Variants in SOX5 observed in about 807,000 individuals in gnomAD.
SOX5 encodes the protein SRY-box transcription factor 5.
Under a neutral mutation model 92.0 loss-of-function variants are expected in SOX5, and 9 were observed. The observed-to-expected ratio is 0.10, with a 90% confidence interval of 0.06 to 0.17. The LOEUF (loss-of-function observed/expected upper bound fraction) is 0.17, where lower values mean the gene tolerates loss of function less well. Among genes scored for constraint, SOX5 ranks in the 10% least tolerant of loss-of-function variants. The pLI is 1.00. For missense variants in SOX5, 642 were observed against 944.5 expected (o/e 0.68, Z 4.20); for synonymous variants, 344 against 336.3 (o/e 1.02, Z -0.25).
chr12:24,531,286 A>G (rs1951176367), intron 1 of SOX5, among the ~76,000 whole-genome samples: 1 of 152,208 alleles, frequency 6.6e-6, no homozygotes, highest in Non-Finnish European at 1.5e-5. Context: ...AAAACTTAAT[A>G]TGAGACACAA....
chr12:24,324,837 G>C (rs1950527203), intron 2 of SOX5, among the ~76,000 whole-genome samples: 1 of 151,936 alleles, frequency 6.6e-6, no homozygotes, highest in Admixed American at 6.6e-5. Flanking sequence ...TACCTCCTGG[G>C]AGGTAGTCAA....
chr12:23,693,531 T>C (rs1284646691), intron 6 of SOX5, among the ~76,000 whole-genome samples: 1 of 152,230 alleles, frequency 6.6e-6, no homozygotes, highest in Non-Finnish European at 1.5e-5. Flanking sequence ...TTTGTGTTAT[T>C]CATTTTCCCA....
intron 4 of SOX5, among the ~76,000 whole-genome samples, chr12:24,018,023 T>C (rs1443632300): frequency 6.6e-6 from 1 of 152,198 alleles, no homozygotes; most frequent in Non-Finnish European, 1.5e-5. Flanking sequence ...AACCTTCTTA[T>C]ATCTTCTACC....
At chr12:24,100,176 C>T (rs745525317) in intron 4 of SOX5, among the ~76,000 whole-genome samples, 1 of 152,030 alleles carries the variant, frequency 6.6e-6, no homozygotes, top group Non-Finnish European at 1.5e-5. Context: ...TCTGTTATTT[C>T]CCATCTTAAA....
intron 9 of SOX5, among the ~76,000 whole-genome samples, chr12:23,582,926 T>A (rs1338316828): frequency 2.0e-5 from 3 of 152,114 alleles, no homozygotes; most frequent in African/African-American, 7.2e-5. Flanking sequence ...ATTTGCTGTT[T>A]AAAATGCCCC....
Position 24,261,494 on chromosome 12 carries a change from C to T in SOX5, c.-77+15722G>A, listed in dbSNP as rs532327422. 9.1e-4 allele frequency among the ~76,000 whole-genome samples: 138 copies of T among 152,216 alleles called. 1 individual carries two copies. The highest frequency in any genetic ancestry group is 1.6e-3 in the Non-Finnish European group (109 of 67,996). On this transcript the variant is annotated intron_variant, in intron 3 of 4. Transcript: ENST00000446891. The stretch of plus-strand genomic sequence containing the variant: ...AATTCGAAAATCCACTCCCACCTAC[C>T]CACCCCAAAGCCACACCACACCACA...
intron 6 of SOX5, among the ~76,000 whole-genome samples, chr12:23,687,867 G>A (rs892036119): frequency 8.5e-6 from 1 of 117,272 alleles, no homozygotes; most frequent in Admixed American, 9.7e-5. Context: ...ATTGGGTAGT[G>A]CCAGTTCACT....
chr12:24,373,391 C>T (rs1306452211), intron 1 of SOX5, among the ~76,000 whole-genome samples: 1 of 152,172 alleles, frequency 6.6e-6, no homozygotes, highest in Non-Finnish European at 1.5e-5. Flanking sequence ...GTCATTCATT[C>T]ATTCATACAA....
chr12:23,670,009 T>C (rs1363567888), intron 6 of SOX5, among the ~76,000 whole-genome samples: 1 of 152,094 alleles, frequency 6.6e-6, no homozygotes, highest in African/African-American at 2.4e-5. Flanking sequence ...CTTAACACCA[T>C]CTGGGTTCCA....
intron 3 of SOX5, among the ~76,000 whole-genome samples, chr12:23,797,896 T>C (rs1055382928): frequency 4.6e-5 from 7 of 152,010 alleles, no homozygotes; most frequent in Admixed American, 2.0e-4. Flanking sequence ...CTGGCCTCCT[T>C]GCTGTGCTTC....
chr12:24,454,318 T>C (rs1405922406), intron 1 of SOX5, among the ~76,000 whole-genome samples: 1 of 152,196 alleles, frequency 6.6e-6, no homozygotes, highest in Non-Finnish European at 1.5e-5. Flanking sequence ...CTCAGGTGAT[T>C]AATAAAACAG....
intron 3 of SOX5, among the ~76,000 whole-genome samples, chr12:24,239,157 A>G (rs1009687243): frequency 2.0e-5 from 3 of 152,234 alleles, no homozygotes; most frequent in Non-Finnish European, 4.4e-5. Flanking sequence ...TCTGAGTGGA[A>G]TAAATATGAG....
intron 3 of SOX5, among the ~76,000 whole-genome samples, chr12:24,228,484 A>G (rs913805165): frequency 2.0e-5 from 3 of 152,136 alleles, no homozygotes; most frequent in African/African-American, 7.2e-5. Context: ...ATCATTTTAC[A>G]TCTTTTTTTA....
At chr12:23,838,679 G>A (rs559548633) in intron 3 of SOX5, among the ~76,000 whole-genome samples, 27 of 151,890 alleles carry the variant, frequency 1.8e-4, no homozygotes, top group East Asian at 3.8e-4. Flanking sequence ...GTACATTGTC[G>A]TAGGAAATAA....
At chr12:24,261,351 C>T (rs1027233296) in intron 3 of SOX5, among the ~76,000 whole-genome samples, 10 of 152,120 alleles carry the variant, frequency 6.6e-5, no homozygotes, top group Non-Finnish European at 1.0e-4. Context: ...AGCAAAGGAT[C>T]ACTCCACTGA....
intron 1 of SOX5, among the ~76,000 whole-genome samples, chr12:24,403,323 G>C (rs1291154300): frequency 6.6e-6 from 1 of 152,134 alleles, no homozygotes; most frequent in Non-Finnish European, 1.5e-5. Flanking sequence ...CTCATTCACT[G>C]TGTGTTTCCC....
chr12:24,229,696 T>G (rs1962946971), intron 3 of SOX5, among the ~76,000 whole-genome samples: 1 of 152,186 alleles, frequency 6.6e-6, no homozygotes, highest in Non-Finnish European at 1.5e-5. Flanking sequence ...GGCTGTAAAA[T>G]GAGCCACTGA....
chr12:24,003,896 A>G (rs924316193), intron 4 of SOX5, among the ~76,000 whole-genome samples: 2 of 152,064 alleles, frequency 1.3e-5, no homozygotes, highest in African/African-American at 2.4e-5. Context: ...ATTTCAAAGA[A>G]CAATATAAAG....
At chr12:23,704,713 T>TATATATATATATATATATAC (rs1305435619) in intron 6 of SOX5, among the ~76,000 whole-genome samples, 1 of 89,072 alleles carries the variant, frequency 1.1e-5, no homozygotes, top group East Asian at 2.6e-4. Context: ...TATATATATA[T>TATATATATATATATATATAC]ATACACACAC....
Sources: allele counts gnomAD v4.1 joint callset (sites outside exome capture counted in the v4.1 genomes callset), GRCh38; gene constraint gnomAD v4.1.1; transcripts MANE v1.5; gene names NCBI Gene and HGNC (gene_info 2026-07-23, HGNC 2026-07-21).